Variants in DPY30 observed in about 807,000 individuals in gnomAD.
DPY30 encodes the protein dpy-30 histone methyltransferase complex regulatory subunit.
Under a neutral mutation model 16.2 loss-of-function variants are expected in DPY30, and 6 were observed. The ratio of observed to expected loss-of-function variants is 0.37; its 90% confidence interval spans 0.20 to 0.73. DPY30 has a LOEUF of 0.73. Ranked by LOEUF, DPY30 falls within the 30% of genes least tolerant of loss-of-function variation. The probability of loss-of-function intolerance (pLI) is 0.51; values close to 1 mark genes in which losing one functional copy is unlikely to be tolerated. For missense variants in DPY30, 73 were observed against 113.1 expected (o/e 0.65, Z 1.61); for synonymous variants, 39 against 38.8 (o/e 1.00, Z -0.02).
chr2:32,027,531 CAA>C (rs370515191), intron 4 of DPY30, among the ~76,000 whole-genome samples: 16 of 68,844 alleles, frequency 2.3e-4, no homozygotes, highest in African/African-American at 2.0e-4. Flanking sequence ...AACTCTGTCT[CAA>C]AAAAAAAAAA....
At chr2:32,030,238 C>T (rs1183718373) in intron 3 of DPY30, among the ~76,000 whole-genome samples, 1 of 152,072 alleles carries the variant, frequency 6.6e-6, no homozygotes, top group Non-Finnish European at 1.5e-5. Flanking sequence ...TTTATGGTTA[C>T]CCTCTATTTA....
chr2:32,029,395 C>T (rs1675449985), intron 4 of DPY30, among the ~76,000 whole-genome samples, 199 bp downstream of exon 4: 1 of 152,114 alleles, frequency 6.6e-6, no homozygotes, highest in South Asian at 2.1e-4. Flanking sequence ...CAAATCTTTA[C>T]AAATATGCAT....
At chr2:32,038,245 C>T (rs1191475782) in intron 3 of DPY30, among the ~76,000 whole-genome samples, 6 of 149,652 alleles carry the variant, frequency 4.0e-5, no homozygotes, top group African/African-American at 7.4e-5. Context: ...AAGCGATTCG[C>T]GATTCTCCTG....
intron 5 of DPY30, among the ~76,000 whole-genome samples, chr2:32,016,110 G>A (rs1675060314): frequency 6.6e-6 from 1 of 152,106 alleles, no homozygotes. Context: ...ATATTGGCCA[G>A]GCTGGTCTCG....
At chr2:32,035,934 A>G (rs886915055) in intron 3 of DPY30, among the ~76,000 whole-genome samples, 14 of 149,770 alleles carry the variant, frequency 9.3e-5, no homozygotes, top group African/African-American at 3.4e-4. Flanking sequence ...CTCAGTCTCG[A>G]AGAAAAAAAA....
downstream of DPY30, among the ~76,000 whole-genome samples, chr2:32,019,835 A>ATATATAT (rs1553386424): frequency 8.1e-6 from 1 of 123,050 alleles, no homozygotes; most frequent in Non-Finnish European, 1.6e-5. Flanking sequence ...AAAAAAAAAA[A>ATATATAT]ATATATATAT....
chr2:32,012,493 C>G (rs764366052), intron 5 of DPY30, among the ~76,000 whole-genome samples: 1 of 127,452 alleles, frequency 7.8e-6, no homozygotes, highest in Non-Finnish European at 1.6e-5. Context: ...TGCAGTGGCT[C>G]GATCTGGGCT....
At chr2:32,025,923 G>A (rs964919715) in intron 4 of DPY30, among the ~76,000 whole-genome samples, 7 of 151,670 alleles carry the variant, frequency 4.6e-5, no homozygotes, top group Admixed American at 6.6e-5. Flanking sequence ...ACCTGGCAAC[G>A]TGACAAAACC....
At chr2:32,014,046 G>A (rs1302934401) in intron 5 of DPY30, among the ~76,000 whole-genome samples, 1 of 151,482 alleles carries the variant, frequency 6.6e-6, no homozygotes, top group Non-Finnish European at 1.5e-5. Context: ...GAGAGGGAGG[G>A]AGGGGAGGGA....
chr2:32,012,830 A>G (rs1674992238), intron 5 of DPY30, among the ~76,000 whole-genome samples: 2 of 152,204 alleles, frequency 1.3e-5, no homozygotes, highest in Admixed American at 6.5e-5. Flanking sequence ...GATCATTGAT[A>G]AAATGGTAAA....
At position 32,039,296 on chromosome 2, in the gene DPY30, G is replaced by A; in HGVS notation, c.67C>T (p.Leu23Phe). The change falls in exon 3 of 5, where the codon CTC becomes TTC. Residue 23 changes from leucine to phenylalanine, a missense_variant. Leu to Phe is a conservative substitution (Grantham distance 22). Coordinates refer to ENST00000342166, the MANE Select transcript of DPY30 (RefSeq NM_001321209.2). The stretch of plus-strand genomic sequence containing the variant: ...CGAGTTACCTCAACGTTGTCTGTGA[G>A]ACCGTACTCAGAGTGAGGATTTTCT... The part of the protein sequence containing the change: ...VAENPHSEYG[L>F]TDNVERIVEN... The A allele has an allele frequency of 6.2e-7, 1 of 1,614,138 alleles. No individual in the cohort carries two copies. The highest frequency in any genetic ancestry group is 8.5e-7 in the Non-Finnish European group (1 of 1,180,048).
chr2:32,019,087 T>C (rs1429135213), downstream of DPY30, among the ~76,000 whole-genome samples: 2 of 152,256 alleles, frequency 1.3e-5, no homozygotes, highest in South Asian at 4.1e-4. Context: ...AGTGACTCAC[T>C]TTTATTTATC....
At chr2:32,019,164 G>C (rs1289161243), downstream of DPY30, among the ~76,000 whole-genome samples, 2 of 152,118 alleles carry the variant, frequency 1.3e-5, no homozygotes, top group African/African-American at 4.8e-5. Flanking sequence ...CACGATCTCA[G>C]CTCATTACAA....
chr2:32,017,300 TA>T (rs1675084010), intron 5 of DPY30, among the ~76,000 whole-genome samples: 1 of 152,166 alleles, frequency 6.6e-6, no homozygotes, highest in South Asian at 2.1e-4. Context: ...ACTGAACTCC[TA>T]AAGCTACTGG....
intron 5 of DPY30, among the ~76,000 whole-genome samples, chr2:32,016,985 C>A (rs998580451): frequency 6.6e-6 from 1 of 151,970 alleles, no homozygotes; most frequent in Admixed American, 6.6e-5. Flanking sequence ...CGGGTTCAAG[C>A]GATTCTCCTG....
intron 5 of DPY30, among the ~76,000 whole-genome samples, chr2:32,012,761 A>G (rs893721924): frequency 6.6e-6 from 1 of 152,118 alleles, no homozygotes; most frequent in African/African-American, 2.4e-5. Context: ...GAGGTAACAG[A>G]AAAAAGAAGG....
chr2:32,034,977 A>G (rs1304412015), intron 3 of DPY30, among the ~76,000 whole-genome samples: 1 of 151,980 alleles, frequency 6.6e-6, no homozygotes, highest in Non-Finnish European at 1.5e-5. Flanking sequence ...CCTGGGCGAC[A>G]AGAGCAAAAC....
chr2:32,022,875 A>C (rs1675216654), downstream of DPY30, among the ~76,000 whole-genome samples: 2 of 152,150 alleles, frequency 1.3e-5, no homozygotes, highest in Non-Finnish European at 2.9e-5. Context: ...GAGACACACG[A>C]CTTTAATAGG....
Position 32,039,742 on chromosome 2 carries a change from A to G in DPY30, c.-46T>C. 1 of 547,978 alleles carries G rather than the reference A, an allele frequency of 1.8e-6. No homozygotes were observed. Among genetic ancestry groups the G allele is most frequent in the Non-Finnish European group, 3.3e-6 (1 of 305,406 alleles). The allele number at this position is 547,978 out of a possible 1,614,324, so 33.9% of individuals were successfully genotyped here. A position where few individuals can be genotyped will look rare whatever the true frequency, so the allele number is the denominator to read the frequency against. Reference sequence around the variant, plus strand: ...AAAGGGAGCTGATTACCCGCGCCCAAGCCGTTCGTTCTTAAGAGCCCTGCA... The same window carrying G: ...AAAGGGAGCTGATTACCCGCGCCCAGGCCGTTCGTTCTTAAGAGCCCTGCA... On this transcript the variant is annotated 5_prime_UTR_variant, in exon 1 of 5. Coordinates refer to ENST00000342166, the MANE Select transcript of DPY30 (RefSeq NM_001321209.2).
Sources: allele counts gnomAD v4.1 joint callset (sites outside exome capture counted in the v4.1 genomes callset), GRCh38; gene constraint gnomAD v4.1.1; transcripts MANE v1.5; gene names NCBI Gene and HGNC (gene_info 2026-07-23, HGNC 2026-07-21).